ZBTB20: variants seen among roughly 807,000 people sequenced by gnomAD.
The protein encoded by ZBTB20 is zinc finger and BTB domain containing 20, also known as zinc finger and BTB domain-containing protein 20.
Under a neutral mutation model 56.9 loss-of-function variants are expected in ZBTB20, and 9 were observed. That is an observed-to-expected ratio of 0.16 (90% CI 0.10 to 0.28). ZBTB20 has a LOEUF of 0.28. Among genes scored for constraint, ZBTB20 ranks in the 10% least tolerant of loss-of-function variants. The probability of loss-of-function intolerance (pLI) is 1.00; values close to 1 mark genes in which losing one functional copy is unlikely to be tolerated. For synonymous variants in ZBTB20, 417 were observed against 420.7 expected, an observed-to-expected ratio of 0.99 and a Z score of 0.11; for missense variants, 655 against 1,003.0, an observed-to-expected ratio of 0.65 and a Z score of 4.69.
chr3:114,590,388 T>G (rs1222884279), intron 6 of ZBTB20, among the ~76,000 whole-genome samples: 2 of 151,826 alleles, frequency 1.3e-5, no homozygotes, highest in African/African-American at 2.4e-5. Context: ...GAGGCGGAGG[T>G]TGCAGTGAAG....
chr3:114,836,407 G>T (rs1350878367), intron 4 of ZBTB20, among the ~76,000 whole-genome samples: 2 of 152,144 alleles, frequency 1.3e-5, no homozygotes, highest in Non-Finnish European at 2.9e-5. Context: ...GTTGGAAATG[G>T]TTTTCCAAAG....
chr3:114,821,128 A>C (rs968392648), intron 4 of ZBTB20, among the ~76,000 whole-genome samples: 2 of 152,198 alleles, frequency 1.3e-5, no homozygotes, highest in African/African-American at 4.8e-5. Context: ...GTGCTTAAAA[A>C]ATAGCTGCCA....
At chr3:114,482,475 T>C (rs575379868) in intron 7 of ZBTB20, among the ~76,000 whole-genome samples, 1 of 152,240 alleles carries the variant, frequency 6.6e-6, no homozygotes, top group African/African-American at 2.4e-5. Flanking sequence ...CTGTGATTTT[T>C]AATGGGTCAG....
At chr3:114,439,612 A>C (rs2090770446) in intron 7 of ZBTB20, among the ~76,000 whole-genome samples, 1 of 152,180 alleles carries the variant, frequency 6.6e-6, no homozygotes, top group Admixed American at 6.6e-5. Context: ...AAAGAATAAC[A>C]GCAGTCCAAA....
intron 10 of ZBTB20, among the ~76,000 whole-genome samples, chr3:114,358,979 C>A (rs1050410683): frequency 6.6e-6 from 1 of 152,000 alleles, no homozygotes; most frequent in Non-Finnish European, 1.5e-5. Context: ...AAATTTAGGC[C>A]CCCTTTTAGC....
At chr3:115,078,613 G>GTGTGTGTATA (rs769630983) in intron 1 of ZBTB20, among the ~76,000 whole-genome samples, 23 of 137,826 alleles carry the variant, frequency 1.7e-4, no homozygotes, top group African/African-American at 5.1e-4. Context: ...GTGTGTGTGT[G>GTGTGTGTATA]TATATATATA....
intron 5 of ZBTB20, among the ~76,000 whole-genome samples, chr3:114,704,278 T>A (rs940502793): frequency 2.0e-5 from 3 of 152,130 alleles, no homozygotes; most frequent in African/African-American, 7.2e-5. Context: ...CTATATAACG[T>A]CTATATTTAT....
chr3:114,374,070 G>T (rs948078775), intron 10 of ZBTB20, among the ~76,000 whole-genome samples: 2 of 152,044 alleles, frequency 1.3e-5, no homozygotes, highest in African/African-American at 4.8e-5. Context: ...ATAAGTGCTG[G>T]ACTAAGCACT....
intron 4 of ZBTB20, among the ~76,000 whole-genome samples, chr3:114,809,760 T>C (rs576337702): frequency 6.6e-6 from 1 of 152,356 alleles, no homozygotes; most frequent in Admixed American, 6.5e-5. Flanking sequence ...TCCTGTTTAT[T>C]ACATGTCTCA....
At chr3:114,816,470 T>C (rs2072926811) in intron 4 of ZBTB20, among the ~76,000 whole-genome samples, 1 of 152,210 alleles carries the variant, frequency 6.6e-6, no homozygotes, top group Non-Finnish European at 1.5e-5. Context: ...GGACAGGTAT[T>C]GTGGTCTGTG....
At chr3:114,617,950 ACT>A (rs67244882) in intron 6 of ZBTB20, among the ~76,000 whole-genome samples, 24,132 of 151,746 alleles carry the variant, frequency 0.16, 3,173 homozygotes, top group African/African-American at 0.36. Flanking sequence ...ACATGTATAC[ACT>A]CTTTCTCCTC....
At chr3:114,815,754 C>T (rs1004588400) in intron 4 of ZBTB20, among the ~76,000 whole-genome samples, 4 of 151,962 alleles carry the variant, frequency 2.6e-5, no homozygotes, top group South Asian at 2.1e-4. Flanking sequence ...CACACACGAC[C>T]GGCTACTACA....
chr3:114,676,740 T>TCATTCTC (rs150807832), intron 6 of ZBTB20, among the ~76,000 whole-genome samples: 8,560 of 151,584 alleles, frequency 0.056, 331 homozygotes, highest in Middle Eastern at 0.14. Flanking sequence ...TGGCATTATC[T>TCATTCTC]CATTCTCCCT....
At chr3:114,585,111 T>C (rs994950439) in intron 6 of ZBTB20, among the ~76,000 whole-genome samples, 1 of 151,708 alleles carries the variant, frequency 6.6e-6, no homozygotes, top group African/African-American at 2.4e-5. Flanking sequence ...GAACCCCAAG[T>C]GTGGGTCCCT....
intron 4 of ZBTB20, among the ~76,000 whole-genome samples, chr3:114,883,372 G>T (rs145546532): frequency 6.6e-6 from 1 of 152,246 alleles, no homozygotes; most frequent in Non-Finnish European, 1.5e-5. Context: ...CCAAGGTGTT[G>T]AAACAAGACT....
chr3:115,053,875 T>C (rs756618838), intron 2 of ZBTB20, among the ~76,000 whole-genome samples: 1 of 152,114 alleles, frequency 6.6e-6, no homozygotes, highest in Non-Finnish European at 1.5e-5. Flanking sequence ...TAAGGACATG[T>C]TACAAAGTTT....
chr3:114,653,726 T>C (rs2060248237), intron 6 of ZBTB20, among the ~76,000 whole-genome samples: 1 of 151,962 alleles, frequency 6.6e-6, no homozygotes, highest in Non-Finnish European at 1.5e-5. Context: ...TTATATAGAA[T>C]TCTCCAGGGA....
chr3:114,689,509 C>T (rs1189295826), intron 6 of ZBTB20, among the ~76,000 whole-genome samples: 2 of 152,020 alleles, frequency 1.3e-5, no homozygotes, highest in Admixed American at 1.3e-4. Context: ...CTTGAGGATA[C>T]GTGAGGTCAC....
chr3:114,478,995 C>T (rs1345837402), intron 7 of ZBTB20, among the ~76,000 whole-genome samples: 1 of 151,516 alleles, frequency 6.6e-6, no homozygotes, highest in Admixed American at 6.6e-5. Flanking sequence ...AGCAAGCTCA[C>T]AGTACTGAGC....
Sources: allele counts gnomAD v4.1 joint callset (sites outside exome capture counted in the v4.1 genomes callset), GRCh38; gene constraint gnomAD v4.1.1; transcripts MANE v1.5; gene names NCBI Gene and HGNC (gene_info 2026-07-23, HGNC 2026-07-21).